RFWD3: variants seen among roughly 807,000 people sequenced by gnomAD.
RFWD3 encodes the protein ring finger and WD repeat domain 3, also known as E3 ubiquitin-protein ligase RFWD3.
In RFWD3, 65 loss-of-function variants were observed where a neutral mutation model predicts 87.7. The ratio of observed to expected loss-of-function variants is 0.74; its 90% CI spans 0.61 to 0.91. The LOEUF is 0.91. Ranked by LOEUF, RFWD3 falls within the 40% of genes least tolerant of loss-of-function variation. The probability of loss-of-function intolerance (pLI) is 0.00; values close to 1 mark genes in which losing one functional copy is unlikely to be tolerated. For missense variants in RFWD3, 1,078 were observed against 938.5 expected, an observed-to-expected ratio of 1.15 and a Z score of -1.94; for synonymous variants, 433 against 352.8, an observed-to-expected ratio of 1.23 and a Z score of -2.55.
chr16:74,632,457 G>A lies in RFWD3; in HGVS notation c.1577+66C>T, dbSNP rs1045786659. 4.1e-5 allele frequency: 62 copies of A among 1,527,088 alleles called. No individual in the cohort carries two copies. In the East Asian group the frequency reaches 6.1e-4, roughly 15 times the overall value. The allele number at this position is 1,527,088 out of a possible 1,614,324, so 94.6% of individuals were successfully genotyped here. A position where few individuals can be genotyped will look rare whatever the true frequency, so the allele number is the denominator to read the frequency against. On this transcript the variant is annotated intron_variant, in intron 9 of 12. Transcript: ENST00000361070. ...ACAGAGCTAAGGTCATCATAACACC[G>A]ATACGAATTCCATGCTACTCAACAC...
At chr16:74,641,328 A>G (rs1959626459) in intron 6 of RFWD3, among the ~76,000 whole-genome samples, 1 of 151,940 alleles carries the variant, frequency 6.6e-6, no homozygotes. Context: ...ATGCCCGGCT[A>G]ATTTTTGTAT....
chr16:74,658,694 C>T lies in RFWD3; in HGVS notation c.518+2238G>A, dbSNP rs143834179. 3.9e-3 allele frequency among the ~76,000 whole-genome samples: 588 copies of T among 152,240 alleles called. 5 individuals are homozygous for T. Among genetic ancestry groups the T allele is most frequent in the Middle Eastern group, 0.01 (3 of 294 alleles). On this transcript the variant is annotated intron_variant, in intron 2 of 12. Coordinates refer to ENST00000361070, the MANE Select transcript of RFWD3 (RefSeq NM_018124.4). ...TTCCCTTTGTGGAGACAGATTATGGCTGCCAAATAGCTTGACTGACATCTT... is the reference window on the plus strand; with the variant it reads ...TTCCCTTTGTGGAGACAGATTATGGTTGCCAAATAGCTTGACTGACATCTT...
intron 4 of RFWD3, among the ~76,000 whole-genome samples, chr16:74,646,681 G>T (rs574986645): frequency 6.6e-6 from 1 of 152,108 alleles, no homozygotes; most frequent in Admixed American, 6.5e-5. Flanking sequence ...AGCTACTCGG[G>T]AGACTGAGGC....
chr16:74,623,782 G>C lies in RFWD3; in HGVS notation c.*146C>G. ...CAATCTGTAGTGTCTCAGTGACCTA[G>C]GGTCCTAGAATCATACTAATGCAAA... On this transcript the variant is annotated 3_prime_UTR_variant, in exon 13 of 13. Transcript: ENST00000361070. 1 of 769,310 alleles carries C rather than the reference G, an allele frequency of 1.3e-6. No homozygotes were observed. The highest frequency in any genetic ancestry group is 2.1e-6 in the Non-Finnish European group (1 of 478,446). The allele number at this position is 769,310 out of a possible 1,614,324, so 47.7% of individuals were successfully genotyped here.
At chr16:74,626,801 G>C (rs568071116) in intron 11 of RFWD3, among the ~76,000 whole-genome samples, 1 of 125,242 alleles carries the variant, frequency 8.0e-6, no homozygotes, top group African/African-American at 3.1e-5. Flanking sequence ...ATAGCTTTTT[G>C]CTTAAGAGAA....
At chr16:74,632,050 A>G (rs909554493) in intron 9 of RFWD3, among the ~76,000 whole-genome samples, 3 of 152,190 alleles carry the variant, frequency 2.0e-5, no homozygotes, top group Non-Finnish European at 2.9e-5. Context: ...TAAAAGCAAT[A>G]TATTTTAAAT....
At chr16:74,631,735 A>T (rs1959102494) in intron 9 of RFWD3, among the ~76,000 whole-genome samples, 1 of 152,094 alleles carries the variant, frequency 6.6e-6, no homozygotes, top group Admixed American at 6.5e-5. Context: ...AGTAAACAGT[A>T]CCAACCTGGT....
In RFWD3 at chr16:74,626,426, T is replaced by C; in HGVS notation, c.2098A>G (p.Thr700Ala). ...GGGCTTTGGAAAATGGCATTTTTGG[T>C]CAATAGTTTGCAAGTAGGTCCTCCA... ...FFGGPTCKLL[T>A]KNAIFQSPEN... Residue 700 changes from threonine to alanine, a missense_variant, in exon 12 of 13, where the codon ACC becomes GCC. Physicochemically the swap from Thr to Ala is moderately conservative, Grantham distance 58. Coordinates refer to ENST00000361070, the MANE Select transcript of RFWD3 (RefSeq NM_018124.4). The C allele has an allele frequency of 6.2e-7, 1 of 1,614,212 alleles. No homozygotes were observed. Among genetic ancestry groups the C allele is most frequent in the African/African-American group, 1.3e-5 (1 of 75,054 alleles).
intron 4 of RFWD3, among the ~76,000 whole-genome samples, chr16:74,648,872 G>A (rs1169849042): frequency 2.6e-5 from 4 of 152,138 alleles, no homozygotes; most frequent in Non-Finnish European, 5.9e-5. Context: ...GATACCTTGA[G>A]CCCAGGAGTT....
intron 4 of RFWD3, among the ~76,000 whole-genome samples, chr16:74,648,188 G>A (rs191357404): frequency 6.6e-6 from 1 of 152,134 alleles, no homozygotes; most frequent in East Asian, 2.0e-4. Flanking sequence ...AGACAGGACA[G>A]GTTATCCTCA....
intron 9 of RFWD3, 81 bp downstream of exon 9, chr16:74,632,442 G>A: frequency 1.4e-6 from 2 of 1,456,050 alleles, no homozygotes; most frequent in Non-Finnish European, 1.9e-6. Flanking sequence ...ACAGAGCTAA[G>A]GTCATCATAA....
chr16:74,625,011 A>AAAAG (rs1958884867), intron 12 of RFWD3, among the ~76,000 whole-genome samples: 1 of 151,932 alleles, frequency 6.6e-6, no homozygotes, highest in Non-Finnish European at 1.5e-5. Flanking sequence ...CAAACAAACA[A>AAAAG]AAAGAAATGA....
At chr16:74,637,163 G>T (rs557519777) in intron 7 of RFWD3, among the ~76,000 whole-genome samples, 1 of 144,486 alleles carries the variant, frequency 6.9e-6, no homozygotes, top group Non-Finnish European at 1.5e-5. Context: ...AAAGGAGACA[G>T]GGTCTCACTC....
rs569192219 is a variant in RFWD3, at chr16:74,652,829, T to C, written c.519-707A>G. On this transcript the variant is annotated intron_variant, in intron 2 of 12. Transcript: ENST00000361070. Reference sequence around the variant, plus strand: ...TTTGAGCTGAGGAGTTTGAGGCCACTTTTGTCACAGAATTAATGAAACTTT... The same window carrying C: ...TTTGAGCTGAGGAGTTTGAGGCCACCTTTGTCACAGAATTAATGAAACTTT... 6.6e-5 allele frequency among the ~76,000 whole-genome samples: 10 copies of C among 152,146 alleles called. No homozygotes were observed. In the East Asian group the frequency reaches 1.9e-3, roughly 30 times the overall value.
intron 6 of RFWD3, among the ~76,000 whole-genome samples, chr16:74,641,254 C>G (rs1038877495): frequency 1.4e-4 from 22 of 152,108 alleles, no homozygotes; most frequent in Non-Finnish European, 2.8e-4. Flanking sequence ...CCTCTGCCCC[C>G]TGGGTTCAAG....
At chr16:74,634,174 T>C (rs1317247565) in intron 8 of RFWD3, among the ~76,000 whole-genome samples, 19 of 151,964 alleles carry the variant, frequency 1.3e-4, no homozygotes, top group Admixed American at 1.2e-3. Flanking sequence ...GAAGGAATAG[T>C]GAACAATAGA....
chr16:74,629,967 G>A (rs1022265507), intron 10 of RFWD3, among the ~76,000 whole-genome samples: 4 of 152,054 alleles, frequency 2.6e-5, no homozygotes, highest in Non-Finnish European at 5.9e-5. Flanking sequence ...TCTCATAACT[G>A]GATTAAATGA....
chr16:74,639,713 T>C (rs1377623770), intron 6 of RFWD3, among the ~76,000 whole-genome samples: 1 of 152,148 alleles, frequency 6.6e-6, no homozygotes, highest in Non-Finnish European at 1.5e-5. Flanking sequence ...ATGCCAAAAA[T>C]AGCAAAAAAA....
intron 9 of RFWD3, 52 bp downstream of exon 9, chr16:74,632,471 G>C: frequency 6.3e-7 from 1 of 1,576,340 alleles, no homozygotes; most frequent in Non-Finnish European, 8.7e-7. Context: ...CGAATTCCAT[G>C]CTACTCAACA....
Sources: allele counts gnomAD v4.1 joint callset (sites outside exome capture counted in the v4.1 genomes callset), GRCh38; gene constraint gnomAD v4.1.1; transcripts MANE v1.5; gene names NCBI Gene and HGNC (gene_info 2026-07-23, HGNC 2026-07-21).